AK8: variants seen among roughly 807,000 people sequenced by gnomAD.
AK8 encodes the protein ATP-AMP transphosphorylase 8.
AK8 carries 44 observed loss-of-function variants against 54.6 expected under a neutral mutation model. That is an observed-to-expected ratio of 0.81 (90% CI 0.63 to 1.04). AK8 has a LOEUF of 1.04. Among genes scored for constraint, AK8 ranks in the 50% least tolerant of loss-of-function variants. The pLI is 0.00. For missense variants in AK8, 555 were observed against 613.6 expected, an observed-to-expected ratio of 0.90 and a Z score of 1.01; for synonymous variants, 239 against 245.6, an observed-to-expected ratio of 0.97 and a Z score of 0.25.
chr9:132,867,211 CAT>C (rs1843637874), intron 2 of AK8, among the ~76,000 whole-genome samples: 1 of 152,086 alleles, frequency 6.6e-6, no homozygotes, highest in Non-Finnish European at 1.5e-5. Flanking sequence ...TTACCAAACT[CAT>C]AAATATCAAG....
At chr9:132,869,231 C>T (rs1311108026) in intron 2 of AK8, among the ~76,000 whole-genome samples, 1 of 152,190 alleles carries the variant, frequency 6.6e-6, no homozygotes, top group Non-Finnish European at 1.5e-5. Context: ...CTATCTATCC[C>T]AGCGTGGCTC....
intron 11 of AK8, among the ~76,000 whole-genome samples, chr9:132,786,535 C>CCT (rs1004333089): frequency 2.0e-5 from 3 of 152,114 alleles, no homozygotes; most frequent in African/African-American, 7.2e-5. Flanking sequence ...CTGCATGAGT[C>CCT]CTCTCTGGGG....
upstream of AK8, chr9:132,878,371 C>T (rs993289573): frequency 1.6e-5 from 20 of 1,249,988 alleles, no homozygotes; most frequent in Non-Finnish European, 2.0e-5. This position sits in a 1 kb window ranked among gnomAD's most constrained non-coding sequence, Gnocchi z 4.7. Flanking sequence ...GGCCCAGATA[C>T]CCGATCCTCG....
chr9:132,742,572 C>G (rs1837446217), intron 11 of AK8, among the ~76,000 whole-genome samples: 1 of 152,234 alleles, frequency 6.6e-6, no homozygotes, highest in South Asian at 2.1e-4. Flanking sequence ...CCTGGCATTT[C>G]TGCCCCTCGC....
rs1240939402 is a variant in AK8 at position 132,826,193 on chromosome 9, C to T, written c.757+661G>A. Among the ~76,000 whole-genome samples the T allele has an allele frequency of 6.6e-6, 1 of 152,164 alleles. No individual in the cohort carries two copies. Among genetic ancestry groups the T allele is most frequent in the Non-Finnish European group, 1.5e-5 (1 of 68,034 alleles). ...GGCACAAGTTTTGTTCCTATTTTAG[C>T]GATGCCAAAACTAGGGCTCCGAGGA... On this transcript the variant is annotated intron_variant, in intron 8 of 12. Transcript: ENST00000298545. The surrounding 1 kb of genome is among the most constrained non-coding windows in gnomAD (Gnocchi z 4.5).
chr9:132,856,335 G>A (rs896564944), intron 4 of AK8, among the ~76,000 whole-genome samples: 3 of 152,202 alleles, frequency 2.0e-5, no homozygotes, highest in Non-Finnish European at 4.4e-5. Context: ...TGCTCCTGGC[G>A]GCTGCGATAC....
rs775803328 is a variant in AK8 at position 132,875,165 on chromosome 9, T to G, written c.119A>C (p.Glu40Ala). 7 of 1,614,090 alleles carry G rather than the reference T, an allele frequency of 4.3e-6. No individual in the cohort carries two copies. Among genetic ancestry groups the G allele is most frequent in the Non-Finnish European group, 5.9e-6 (7 of 1,180,002 alleles). ...MLEQLLIHQPEDPIPFMIQHL... is the reference protein window; with the variant it reads ...MLEQLLIHQPADPIPFMIQHL... ...CTGGATCATGAAGGGGATGGGATCT[T>G]CGGGCTGGTGGATCAGGAGTTGCTC... is the stretch of plus-strand genomic sequence containing the variant. The change falls in exon 2 of 13, where the codon GAA becomes GCA. Residue 40 changes from glutamate to alanine, a missense_variant. Transcript: ENST00000298545.
intron 5 of AK8, among the ~76,000 whole-genome samples, chr9:132,848,133 AAAAAAAAAAAG>A (rs751799192): frequency 0.19 from 26,259 of 138,994 alleles, 3,393 homozygotes; most frequent in East Asian, 0.4. Context: ...AAAAAAAAAA[AAAAAAAAAAAG>A]ATTGAAGAGA....
chr9:132,820,716 T>A (rs1841553851), intron 9 of AK8, among the ~76,000 whole-genome samples: 1 of 151,968 alleles, frequency 6.6e-6, no homozygotes, highest in South Asian at 2.1e-4. Context: ...TTTGTGGGAG[T>A]GAGTGTGGGG....
chr9:132,877,042 GGC>G (rs1037629367), intron 1 of AK8, among the ~76,000 whole-genome samples: 4 of 152,130 alleles, frequency 2.6e-5, no homozygotes, highest in Non-Finnish European at 4.4e-5. Flanking sequence ...CTCCAGCCTG[GGC>G]AGCAGTGCAA....
chr9:132,840,174 A>C (rs1842481341), intron 5 of AK8, among the ~76,000 whole-genome samples: 1 of 152,070 alleles, frequency 6.6e-6, no homozygotes, highest in Non-Finnish European at 1.5e-5. Context: ...TTGGAGATTA[A>C]AGTTCAACAT....
intron 11 of AK8, among the ~76,000 whole-genome samples, chr9:132,773,006 C>G (rs991142087): frequency 6.6e-6 from 1 of 152,178 alleles, no homozygotes; most frequent in African/African-American, 2.4e-5. Context: ...CTTTTTACAA[C>G]ATCAGCGGGA....
At chr9:132,863,616 G>T in intron 4 of AK8, 49 bp downstream of exon 4, 1 of 1,327,108 alleles carries the variant, frequency 7.5e-7, no homozygotes, top group Non-Finnish European at 1.1e-6. Context: ...GGGTGTGGCA[G>T]TGGGCACTGC....
At chr9:132,857,614 C>A (rs1564442207) in intron 4 of AK8, among the ~76,000 whole-genome samples, 1 of 152,180 alleles carries the variant, frequency 6.6e-6, no homozygotes, top group Non-Finnish European at 1.5e-5. Flanking sequence ...CATTCTGGGG[C>A]TGTTTTTCCC....
intron 11 of AK8, among the ~76,000 whole-genome samples, chr9:132,762,560 G>A (rs1179235570): frequency 6.6e-6 from 1 of 152,110 alleles, no homozygotes; most frequent in Non-Finnish European, 1.5e-5. Context: ...ATAAATACAG[G>A]AGTGAGTCCT....
intron 11 of AK8, among the ~76,000 whole-genome samples, chr9:132,785,865 A>G (rs1420692544): frequency 6.6e-6 from 1 of 152,282 alleles, no homozygotes; most frequent in East Asian, 1.9e-4. Context: ...TGCAAATGTA[A>G]CAAAGAAATC....
intron 11 of AK8, among the ~76,000 whole-genome samples, chr9:132,743,833 G>A (rs558425176): frequency 3.4e-4 from 52 of 152,238 alleles, no homozygotes; most frequent in African/African-American, 1.2e-3. Context: ...GCAAAGACTC[G>A]GGCTCTGAGA....
chr9:132,826,237 G>A lies in AK8; in HGVS notation c.757+617C>T, dbSNP rs981440673. ...CCGAGGAGTTAGGAGAAGTGCCAGA[G>A]GCTGCACAGCTGGGCTGCGTCGGGG... is the stretch of plus-strand genomic sequence containing the variant. On this transcript the variant is annotated intron_variant, in intron 8 of 12. Coordinates refer to ENST00000298545, the MANE Select transcript of AK8 (RefSeq NM_152572.3). This position sits in a 1 kb window ranked among gnomAD's most constrained non-coding sequence, Gnocchi z 4.5. 1.3e-5 allele frequency among the ~76,000 whole-genome samples: 2 copies of A among 152,152 alleles called. No homozygotes were observed. Among genetic ancestry groups the A allele is most frequent in the African/African-American group, 4.8e-5 (2 of 41,428 alleles).
Position 132,826,884 on chromosome 9 carries a change from C to T in AK8, c.727G>A (p.Asp243Asn). Residue 243 changes from aspartate (D) to asparagine (N), a missense_variant, in exon 8 of 13, where the codon GAC becomes AAC. Asp to Asn is a conservative substitution (Grantham distance 23, BLOSUM62 1). Transcript: ENST00000298545. The surrounding 1 kb of genome is among the most constrained non-coding windows in gnomAD (Gnocchi z 4.5). The part of the protein sequence containing the change: ...YPKILKVISA[D>N]QPCVDVFYQA... ...TAGAAGACGTCCACACATGGCTGGT[C>T]AGCACTGATGACTTTGAGGATTTTG... 1 of 1,614,258 alleles carries T rather than the reference C, an allele frequency of 6.2e-7. No homozygotes were observed. The highest frequency in any genetic ancestry group is 8.5e-7 in the Non-Finnish European group (1 of 1,180,050).
Sources: allele counts gnomAD v4.1 joint callset (sites outside exome capture counted in the v4.1 genomes callset), GRCh38; gene constraint gnomAD v4.1.1; non-coding constraint Gnocchi (gnomAD v3.1); transcripts MANE v1.5; gene names NCBI Gene and HGNC (gene_info 2026-07-23, HGNC 2026-07-21).